The following GPC5 variants were observed in gnomAD, a reference collection of about 807,000 sequenced individuals.
GPC5 encodes the protein glypican-5.
GPC5 carries 47 observed loss-of-function variants against 53.9 expected under a neutral mutation model. The observed-to-expected ratio is 0.87, with a 90% CI of 0.69 to 1.11. The LOEUF is 1.11. GPC5 is among the 50% of genes most tolerant of loss of function. The pLI, the probability that GPC5 is intolerant of heterozygous loss-of-function variation, is 0.00. For synonymous variants in GPC5, 286 were observed against 263.3 expected (o/e 1.09, Z -0.84); for missense variants, 748 against 713.1 (o/e 1.05, Z -0.56).
Position 92,539,392 on chromosome 13 carries a change from G to T in GPC5, c.1562-326890G>T, listed in dbSNP as rs189686955. Among the ~76,000 whole-genome samples the T allele has an allele frequency of 8.5e-5, 13 of 152,130 alleles. No individual in the cohort carries two copies. In the East Asian group the frequency reaches 2.3e-3, roughly 27 times the overall value. On this transcript the variant is annotated intron_variant, in intron 7 of 7. Transcript: ENST00000377067. ...CTGGTTGAGATGATATCTGATGGTG[G>T]TTTTGATTCGCATTTCTCTGATGAC...
chr13:91,436,167 T>A (rs1327578509), intron 1 of GPC5, among the ~76,000 whole-genome samples: 1 of 152,182 alleles, frequency 6.6e-6, no homozygotes, highest in Non-Finnish European at 1.5e-5. Flanking sequence ...TTTGAAGGGT[T>A]TTTTGTGTCT....
chr13:91,732,561 A>G (rs988840606), intron 4 of GPC5, among the ~76,000 whole-genome samples: 1 of 151,650 alleles, frequency 6.6e-6, no homozygotes, highest in Non-Finnish European at 1.5e-5. Context: ...CTTTTGTTGC[A>G]ATTGCTTTTG....
chr13:92,345,969 C>A (rs2043408049), intron 7 of GPC5, among the ~76,000 whole-genome samples: 1 of 152,102 alleles, frequency 6.6e-6, no homozygotes, highest in African/African-American at 2.4e-5. Flanking sequence ...GAGCTGATTG[C>A]CTTCATAAGT....
rs138318207 is a variant in GPC5, at chr13:92,598,881, G to A, written c.1562-267401G>A. 8.9e-4 allele frequency among the ~76,000 whole-genome samples: 136 copies of A among 152,274 alleles called. 2 individuals are homozygous for A. Among genetic ancestry groups the A allele is most frequent in the Non-Finnish European group, 1.4e-3 (95 of 68,030 alleles). ...AGAATACAAAAATTAGCTGGGTGTG[G>A]TGGTGGGCACCTGTAATCCCAGCTA... On this transcript the variant is annotated intron_variant, in intron 7 of 7. Coordinates refer to ENST00000377067, the MANE Select transcript of GPC5 (RefSeq NM_004466.6).
At chr13:92,661,068 A>G (rs1195670268) in intron 7 of GPC5, among the ~76,000 whole-genome samples, 2 of 152,122 alleles carry the variant, frequency 1.3e-5, no homozygotes, top group African/African-American at 4.8e-5. Flanking sequence ...TGGGAGGCCA[A>G]GGCAGGAGGG....
chr13:92,237,261 C>T (rs1438076121), intron 7 of GPC5, among the ~76,000 whole-genome samples: 1 of 152,070 alleles, frequency 6.6e-6, no homozygotes, highest in Non-Finnish European at 1.5e-5. Flanking sequence ...CACTCTGTTG[C>T]CAGGCTGGAG....
intron 5 of GPC5, among the ~76,000 whole-genome samples, chr13:91,758,382 T>C (rs1038345806): frequency 6.6e-6 from 1 of 152,022 alleles, no homozygotes; most frequent in Non-Finnish European, 1.5e-5. Context: ...ATTTATTATA[T>C]CATATAAATA....
chr13:91,708,160 C>T (rs1423161280), intron 3 of GPC5, among the ~76,000 whole-genome samples: 2 of 152,036 alleles, frequency 1.3e-5, no homozygotes, highest in African/African-American at 2.4e-5. Flanking sequence ...AAGGTATTCA[C>T]GGAAACAAGA....
At chr13:92,352,719 G>T (rs1381563044) in intron 7 of GPC5, among the ~76,000 whole-genome samples, 1 of 152,122 alleles carries the variant, frequency 6.6e-6, no homozygotes, top group Non-Finnish European at 1.5e-5. Flanking sequence ...GAGAAGATGT[G>T]TATCTATGGT....
chr13:92,142,268 A>T (rs1418505070), intron 6 of GPC5, among the ~76,000 whole-genome samples: 1 of 152,204 alleles, frequency 6.6e-6, no homozygotes, highest in Non-Finnish European at 1.5e-5. Flanking sequence ...GTAAATTCAA[A>T]ATCAACTGAT....
intron 2 of GPC5, among the ~76,000 whole-genome samples, chr13:91,681,789 A>T (rs2035514947): frequency 6.6e-6 from 1 of 152,200 alleles, no homozygotes; most frequent in Non-Finnish European, 1.5e-5. Context: ...AATGCAACAC[A>T]TAGCTTTCTC....
chr13:91,403,304 G>A (rs963927599), intron 1 of GPC5, among the ~76,000 whole-genome samples: 1 of 152,202 alleles, frequency 6.6e-6, no homozygotes, highest in Non-Finnish European at 1.5e-5. Context: ...AAGGGAGATT[G>A]CACACCAAAG....
chr13:91,985,199 G>C (rs1172949630), intron 6 of GPC5, among the ~76,000 whole-genome samples: 1 of 152,090 alleles, frequency 6.6e-6, no homozygotes, highest in African/African-American at 2.4e-5. Flanking sequence ...TTTTATCGTT[G>C]TAAAGAGGCC....
At chr13:91,652,576 C>T (rs1199221870) in intron 2 of GPC5, among the ~76,000 whole-genome samples, 1 of 152,148 alleles carries the variant, frequency 6.6e-6, no homozygotes, top group Non-Finnish European at 1.5e-5. Flanking sequence ...GTAGGATATA[C>T]AGCACAAAGG....
chr13:91,745,741 T>G (rs1594513108), intron 4 of GPC5, among the ~76,000 whole-genome samples: 1 of 152,176 alleles, frequency 6.6e-6, no homozygotes, highest in South Asian at 2.1e-4. Flanking sequence ...GAAAAAAAAT[T>G]TTTTTTCTTT....
intron 7 of GPC5, among the ~76,000 whole-genome samples, chr13:92,223,671 G>T (rs1360604864): frequency 6.6e-6 from 1 of 151,702 alleles, no homozygotes; most frequent in African/African-American, 2.4e-5. Flanking sequence ...TTATGACTCA[G>T]GGTGGTGGTA....
chr13:92,240,014 A>G (rs555210518), intron 7 of GPC5: 1 of 148,082 alleles, frequency 6.8e-6, no homozygotes, highest in African/African-American at 2.5e-5. Flanking sequence ...CAAAAACTGT[A>G]TAAATTCCTT....
chr13:92,403,108 A>G (rs1875632913), intron 7 of GPC5, among the ~76,000 whole-genome samples: 1 of 152,218 alleles, frequency 6.6e-6, no homozygotes, highest in Admixed American at 6.5e-5. Flanking sequence ...CTATATTCTC[A>G]TATTCAACTT....
intron 2 of GPC5, among the ~76,000 whole-genome samples, chr13:91,571,657 G>T (rs535845209): frequency 6.6e-6 from 1 of 151,272 alleles, no homozygotes; most frequent in Admixed American, 6.6e-5. Context: ...CCCAGGAGGT[G>T]GAAATTGCAG....
Sources: gnomAD v4.1 joint callset for allele counts (sites outside exome capture counted in the v4.1 genomes callset) on GRCh38, gnomAD v4.1.1 for gene constraint, MANE v1.5 for transcripts, NCBI Gene and HGNC (gene_info 2026-07-23, HGNC 2026-07-21) for gene names.